CORIN: variants seen among roughly 807,000 people sequenced by gnomAD.
CORIN encodes corin, serine peptidase, also known as atrial natriuretic peptide-converting enzyme.
CORIN carries 117 observed loss-of-function variants against 125.3 expected under a neutral mutation model. The observed-to-expected ratio is 0.93, with a 90% CI of 0.80 to 1.09. The LOEUF is 1.09. Ranked by LOEUF, CORIN falls within the 50% of genes least tolerant of loss-of-function variation. CORIN has a pLI of 0.00. For missense variants in CORIN, 1,253 were observed against 1,306.7 expected, an observed-to-expected ratio of 0.96 and a Z score of 0.63; for synonymous variants, 450 against 466.4, an observed-to-expected ratio of 0.96 and a Z score of 0.45.
intron 4 of CORIN, among the ~76,000 whole-genome samples, chr4:47,759,900 C>A (rs1729367939): frequency 6.6e-6 from 1 of 152,232 alleles, no homozygotes. Context: ...ACAACCTCTG[C>A]AATTACTTTC....
At chr4:47,649,684 ACT>A (rs1171100792) in intron 13 of CORIN, among the ~76,000 whole-genome samples, 3 of 152,346 alleles carry the variant, frequency 2.0e-5, no homozygotes, top group African/African-American at 7.2e-5. Flanking sequence ...TACGCAGGAC[ACT>A]CTGCCATTCC....
chr4:47,664,143 A>G lies in CORIN; in HGVS notation c.1589+889T>C, dbSNP rs555939309. On this transcript the variant is annotated intron_variant, in intron 11 of 21. Transcript: ENST00000273857. ...CATTTGTATACCTACCCCTTGAGGG[A>G]AAACAGCACTGAAGAGAGTAGCAAC... is the stretch of plus-strand genomic sequence containing the variant. Among the ~76,000 whole-genome samples, 15 of 152,280 alleles carry G rather than the reference A, an allele frequency of 9.9e-5. No homozygotes were observed. The South Asian group carries it at 2.9e-3, about 29-fold the overall frequency.
At chr4:47,813,861 A>T (rs1290441065) in intron 1 of CORIN, among the ~76,000 whole-genome samples, 1 of 152,192 alleles carries the variant, frequency 6.6e-6, no homozygotes, top group Non-Finnish European at 1.5e-5. Flanking sequence ...GATTTAGCTA[A>T]AATTCTATTT....
intron 9 of CORIN, among the ~76,000 whole-genome samples, chr4:47,676,042 A>G (rs912500930): frequency 2.0e-5 from 3 of 152,142 alleles, no homozygotes; most frequent in Admixed American, 6.5e-5. Flanking sequence ...TGGAGCTTCA[A>G]CCACTGAGAA....
intron 10 of CORIN, among the ~76,000 whole-genome samples, chr4:47,673,690 T>C (rs1724874933): frequency 6.6e-6 from 1 of 152,196 alleles, no homozygotes; most frequent in South Asian, 2.1e-4. Context: ...GCTGTTACAC[T>C]GTCACCGAAA....
At chr4:47,638,012 T>C (rs1027406700) in intron 16 of CORIN, among the ~76,000 whole-genome samples, 5 of 152,206 alleles carry the variant, frequency 3.3e-5, no homozygotes, top group African/African-American at 1.2e-4. Flanking sequence ...CCAAGACCCA[T>C]GGGAACCCAC....
At chr4:47,601,616 C>G (rs199583228) in intron 20 of CORIN, among the ~76,000 whole-genome samples, 2 of 151,996 alleles carry the variant, frequency 1.3e-5, no homozygotes, top group East Asian at 1.9e-4. Context: ...TTATGTTGCA[C>G]TATTGCTCTG....
At chr4:47,781,012 G>A (rs766399649) in intron 3 of CORIN, among the ~76,000 whole-genome samples, 1 of 149,886 alleles carries the variant, frequency 6.7e-6, no homozygotes, top group Non-Finnish European at 1.5e-5. Context: ...TCCAGGAAAT[G>A]AGGGATGAAA....
rs528654489 is a variant in CORIN, at chr4:47,626,209, G to GA, written c.2315+195dup. Among the ~76,000 whole-genome samples, 543 of 151,626 alleles carry GA rather than the reference G, an allele frequency of 3.6e-3. 1 individual carries two copies. The highest frequency in any genetic ancestry group is 5.3e-3 in the Non-Finnish European group (362 of 67,838). On this transcript the variant is annotated intron_variant, in intron 17 of 21. Coordinates refer to ENST00000273857, the MANE Select transcript of CORIN (RefSeq NM_006587.4). ...AGTTTCTGTAATCGTGAATAAAAGA[G>GA]AAAAAAAATCTATGTCTAGAAAGAA...
At chr4:47,722,730 T>G (rs1727408606) in intron 5 of CORIN, among the ~76,000 whole-genome samples, 1 of 152,184 alleles carries the variant, frequency 6.6e-6, no homozygotes, top group Admixed American at 6.5e-5. Context: ...AAGTGAAACG[T>G]GGGATTCTAA....
intron 5 of CORIN, among the ~76,000 whole-genome samples, chr4:47,704,140 G>T (rs950329061): frequency 6.6e-6 from 1 of 152,068 alleles, no homozygotes; most frequent in African/African-American, 2.4e-5. Flanking sequence ...GCCTTTCACA[G>T]CACACTACAT....
chr4:47,718,011 G>T (rs760347821), intron 5 of CORIN, among the ~76,000 whole-genome samples: 10 of 152,156 alleles, frequency 6.6e-5, no homozygotes, highest in Non-Finnish European at 1.5e-4. Context: ...GGGAAACTGG[G>T]AAGCAAATGG....
intron 5 of CORIN, among the ~76,000 whole-genome samples, chr4:47,736,573 G>A (rs1213280126): frequency 9.2e-5 from 14 of 152,142 alleles, no homozygotes; most frequent in Non-Finnish European, 2.9e-5. Context: ...TTGTTGTACA[G>A]ATCACTCACT....
chr4:47,779,740 GTA>G (rs770684601), intron 3 of CORIN, among the ~76,000 whole-genome samples: 2 of 151,982 alleles, frequency 1.3e-5, no homozygotes, highest in Non-Finnish European at 2.9e-5. Flanking sequence ...CTGGCCAGCT[GTA>G]TATTCTTGTA....
chr4:47,661,952 G>T, intron 11 of CORIN, 96 bp from the exon 12 acceptor site: 1 of 1,229,174 alleles, frequency 8.1e-7, no homozygotes, highest in Non-Finnish European at 1.1e-6. Context: ...CTGTGTATGT[G>T]GCATGTATTG....
At chr4:47,836,665 C>T (rs1280214188) in intron 1 of CORIN, among the ~76,000 whole-genome samples, 2 of 152,208 alleles carry the variant, frequency 1.3e-5, no homozygotes, top group South Asian at 2.1e-4. Context: ...AACAGCTTCC[C>T]TGGGAATGCC....
intron 5 of CORIN, among the ~76,000 whole-genome samples, chr4:47,711,654 A>T (rs371253835): frequency 1.6e-4 from 25 of 152,244 alleles, no homozygotes; most frequent in African/African-American, 5.5e-4. Flanking sequence ...TTAACAGAGA[A>T]AAAAAAGTTT....
intron 5 of CORIN, among the ~76,000 whole-genome samples, chr4:47,696,405 G>C (rs1357275715): frequency 6.6e-6 from 1 of 152,104 alleles, no homozygotes; most frequent in Non-Finnish European, 1.5e-5. Flanking sequence ...TATATTTACT[G>C]AGTGTCTACT....
chr4:47,680,262 G>C lies in CORIN; in HGVS notation c.1022-11C>G. On this transcript the variant is annotated splice_polypyrimidine_tract_variant and intron_variant, in intron 7 of 21. Transcript: ENST00000273857. ...TTGTGGGATTGCAATCTGGAGAAAT[G>C]AAAACTCACGAGGATGCAGAGAACC... 1.3e-6 allele frequency: 2 copies of C among 1,599,072 alleles called. No homozygotes were observed. The highest frequency in any genetic ancestry group is 2.2e-5 in the South Asian group (2 of 90,596).
Sources: allele counts gnomAD v4.1 joint callset (sites outside exome capture counted in the v4.1 genomes callset), GRCh38; gene constraint gnomAD v4.1.1; transcripts MANE v1.5; gene names NCBI Gene and HGNC (gene_info 2026-07-23, HGNC 2026-07-21).